GRHL2: variants seen among roughly 807,000 people sequenced by gnomAD.
GRHL2 encodes the protein grainyhead-like protein 2 homolog.
In GRHL2, 21 loss-of-function variants were observed where a neutral mutation model predicts 83.8. The ratio of observed to expected loss-of-function variants is 0.25; its 90% CI spans 0.18 to 0.36. The LOEUF (loss-of-function observed/expected upper bound fraction) is 0.36. GRHL2 is among the 10% of genes least tolerant of loss of function. The probability of loss-of-function intolerance (pLI) is 1.00; values close to 1 mark genes in which losing one functional copy is unlikely to be tolerated. For synonymous variants in GRHL2, 280 were observed against 278.9 expected (o/e 1.00, Z -0.04); for missense variants, 623 against 781.8 (o/e 0.80, Z 2.42).
intron 4 of GRHL2, among the ~76,000 whole-genome samples, chr8:101,565,515 G>A (rs1289975688): frequency 6.6e-6 from 1 of 152,116 alleles, no homozygotes; most frequent in East Asian, 1.9e-4. Flanking sequence ...AGTGACTCAG[G>A]AATCCAGGGT....
intron 5 of GRHL2, among the ~76,000 whole-genome samples, chr8:101,571,908 C>T (rs1383561869): frequency 2.0e-5 from 3 of 152,122 alleles, no homozygotes; most frequent in Non-Finnish European, 4.4e-5. Flanking sequence ...AGCTGCCAGG[C>T]CAGTGGGAAG....
chr8:101,652,436 C>G (rs1022907621), intron 14 of GRHL2, among the ~76,000 whole-genome samples: 489 of 11,930 alleles, frequency 0.041, 17 homozygotes, highest in African/African-American at 0.086. Flanking sequence ...GTGTGTGTGT[C>G]TGGTGTGTGT....
At chr8:101,514,422 C>A (rs568894) in intron 1 of GRHL2, among the ~76,000 whole-genome samples, 143,997 of 152,320 alleles carry the variant, frequency 0.95, 68,404 homozygotes, top group Non-Finnish European at 1. Flanking sequence ...AGGGGAGCTA[C>A]GCAAGGGAAG....
chr8:101,666,200 A>G (rs924555578), intron 15 of GRHL2, among the ~76,000 whole-genome samples: 1 of 152,176 alleles, frequency 6.6e-6, no homozygotes. Flanking sequence ...GAGGCAATGC[A>G]TTTTTAAAAA....
chr8:101,519,083 G>A (rs893258993), intron 1 of GRHL2, among the ~76,000 whole-genome samples: 1 of 151,974 alleles, frequency 6.6e-6, no homozygotes, highest in African/African-American at 2.4e-5. Context: ...TGGGAGAGTG[G>A]GTTTGTAATG....
At chr8:101,648,130 T>C (rs562117622) in intron 13 of GRHL2, among the ~76,000 whole-genome samples, 1 of 152,142 alleles carries the variant, frequency 6.6e-6, no homozygotes, top group South Asian at 2.1e-4. Flanking sequence ...GGGATGAGGG[T>C]GGCCTCTGAA....
chr8:101,615,727 G>A (rs682769), intron 8 of GRHL2, among the ~76,000 whole-genome samples: 46,575 of 151,988 alleles, frequency 0.31, 7,682 homozygotes, highest in African/African-American at 0.43. Flanking sequence ...TGATGAAGCT[G>A]TTGTTATCTT....
At chr8:101,643,516 T>G (rs947869731) in intron 12 of GRHL2, among the ~76,000 whole-genome samples, 5 of 151,932 alleles carry the variant, frequency 3.3e-5, no homozygotes, top group African/African-American at 1.2e-4. Flanking sequence ...CGCAGGCTTC[T>G]GGGAAAGGGG....
intron 12 of GRHL2, among the ~76,000 whole-genome samples, chr8:101,639,157 C>A (rs563234499): frequency 1.3e-5 from 2 of 152,194 alleles, no homozygotes; most frequent in Non-Finnish European, 2.9e-5. Flanking sequence ...AGATGGCCAT[C>A]GACCTACTTG....
chr8:101,655,558 C>G (rs1245334538), intron 14 of GRHL2, among the ~76,000 whole-genome samples: 1 of 152,100 alleles, frequency 6.6e-6, no homozygotes, highest in African/African-American at 2.4e-5. Flanking sequence ...ATTTCACCTG[C>G]CAGAAAATCA....
Position 101,625,136 on chromosome 8 carries a change from T to TA in GRHL2, c.1257+5440dup, listed in dbSNP as rs553310361. ...TTGAATTCCCTTACTTTATTTCAGA[T>TA]ATTCCAGGGGAGATTGTAGAATCCC... On this transcript the variant is annotated intron_variant, in intron 9 of 15. Transcript: ENST00000646743. 3.2e-3 allele frequency among the ~76,000 whole-genome samples: 486 copies of TA among 152,220 alleles called. 3 individuals are homozygous for TA. Among genetic ancestry groups the TA allele is most frequent in the African/African-American group, 0.011 (446 of 41,554 alleles).
intron 12 of GRHL2, among the ~76,000 whole-genome samples, chr8:101,642,601 G>C (rs1429458817): frequency 6.6e-6 from 1 of 152,166 alleles, no homozygotes. Flanking sequence ...GGAAGGCAGA[G>C]GGAACACTGC....
At chr8:101,681,008 T>G in the GRHL2 span, among the ~76,000 whole-genome samples, 2 of 114,494 alleles carry the variant, frequency 1.7e-5, no homozygotes, top group African/African-American at 3.6e-5. Context: ...AACATCACAA[T>G]TAAAAGAACT....
At chr8:101,650,109 C>T (rs1753902872) in intron 14 of GRHL2, among the ~76,000 whole-genome samples, 1 of 152,190 alleles carries the variant, frequency 6.6e-6, no homozygotes. Context: ...TGGACCACTG[C>T]CCCATACAAC....
chr8:101,591,588 G>C (rs1005130884), intron 7 of GRHL2, among the ~76,000 whole-genome samples: 24 of 152,278 alleles, frequency 1.6e-4, no homozygotes, highest in Non-Finnish European at 3.1e-4. Context: ...GAATTTGCAA[G>C]ACAAATATGG....
chr8:101,674,514 G>A (rs1345730656), downstream of GRHL2, among the ~76,000 whole-genome samples: 3 of 152,142 alleles, frequency 2.0e-5, no homozygotes, highest in Non-Finnish European at 2.9e-5. Context: ...CCAGGAAGAA[G>A]TTGAATCTCT....
chr8:101,652,499 T>TGTGTGTGTGTG (rs1420544005), intron 14 of GRHL2, among the ~76,000 whole-genome samples: 1 of 38,792 alleles, frequency 2.6e-5, no homozygotes, highest in Non-Finnish European at 4.1e-5. Context: ...ATGTGTGTGG[T>TGTGTGTGTGTG]GTGTGTGTGT....
intron 8 of GRHL2, among the ~76,000 whole-genome samples, chr8:101,614,195 C>G: frequency 6.6e-6 from 1 of 150,806 alleles, no homozygotes; most frequent in South Asian, 2.1e-4. Flanking sequence ...TGGGTAGAAA[C>G]CACAAAATGG....
chr8:101,593,947 TAATCCCAGCTACTCGG>T (rs1293605902), intron 7 of GRHL2, among the ~76,000 whole-genome samples: 3 of 151,576 alleles, frequency 2.0e-5, no homozygotes, highest in Non-Finnish European at 4.4e-5. Flanking sequence ...CAGGTGCCTG[TAATCCCAGCTACTCGG>T]GAGGCTGAGG....
Sources: gnomAD v4.1 joint callset for allele counts (sites outside exome capture counted in the v4.1 genomes callset) on GRCh38, gnomAD v4.1.1 for gene constraint, MANE v1.5 for transcripts, NCBI Gene and HGNC (gene_info 2026-07-23, HGNC 2026-07-21) for gene names.